PEX14: variants seen among roughly 807,000 people sequenced by gnomAD.
PEX14 encodes the protein peroxisomal biogenesis factor 14, also known as peroxisomal membrane protein PEX14.
Under a neutral mutation model 49.5 loss-of-function variants are expected in PEX14, and 15 were observed. The observed-to-expected ratio is 0.30, with a 90% CI of 0.20 to 0.47. The LOEUF (loss-of-function observed/expected upper bound fraction) is 0.47. PEX14 is among the 20% of genes least tolerant of loss of function. PEX14 has a pLI of 1.00. For missense variants in PEX14, 398 were observed against 494.8 expected (o/e 0.80, Z 1.86); for synonymous variants, 210 against 212.7 (o/e 0.99, Z 0.11).
intron 5 of PEX14, among the ~76,000 whole-genome samples, chr1:10,619,219 A>G (rs1016165214): frequency 3.3e-5 from 5 of 152,114 alleles, no homozygotes; most frequent in Non-Finnish European, 7.3e-5. Flanking sequence ...AGTCTAGAAA[A>G]TGCAGGCCAG....
Position 10,512,021 on chromosome 1 carries a change from A to G in PEX14, c.84+16700A>G, listed in dbSNP as rs181121550. On this transcript the variant is annotated intron_variant, in intron 2 of 8. Transcript: ENST00000356607. The surrounding 1 kb of genome is among the most constrained non-coding windows in gnomAD (Gnocchi z 4.6). ...GTCACCCAGGCTGGAGTGCAGTGGC[A>G]TAATCTTGGCTCACTGCACGCTCCG... is the stretch of plus-strand genomic sequence containing the variant. Among the ~76,000 whole-genome samples, 344 of 152,152 alleles carry G rather than the reference A, an allele frequency of 2.3e-3. No individual in the cohort carries two copies. Among genetic ancestry groups the G allele is most frequent in the African/African-American group, 7.9e-3 (327 of 41,490 alleles).
intron 4 of PEX14, among the ~76,000 whole-genome samples, chr1:10,602,941 G>C (rs1215764224): frequency 6.6e-6 from 1 of 152,216 alleles, no homozygotes; most frequent in East Asian, 1.9e-4. Flanking sequence ...CTGAGCCCAA[G>C]GCTAGAAAAT....
At position 10,623,280 on chromosome 1, in the gene PEX14, G is replaced by A. The variant is rs145291930; in HGVS notation, c.487+159G>A. On this transcript the variant is annotated intron_variant, in intron 6 of 8. Coordinates refer to ENST00000356607, the MANE Select transcript of PEX14 (RefSeq NM_004565.3). The surrounding 1 kb of genome is among the most constrained non-coding windows in gnomAD (Gnocchi z 4.4). ...TTGCAAATGAAGCCGCCGTCATTTC[G>A]GTTTAATTTGAAATTGCTTGTTTAC... 5 of 654,416 alleles carry A rather than the reference G, an allele frequency of 7.6e-6. No individual in the cohort carries two copies. The East Asian group carries it at 8.5e-5, about 11-fold the overall frequency. The allele number at this position is 654,416 out of a possible 1,614,324, so 40.5% of individuals were successfully genotyped here. A position where few individuals can be genotyped will look rare whatever the true frequency, so the allele number is the denominator to read the frequency against.
chr1:10,558,286 G>C (rs376994648), intron 3 of PEX14, among the ~76,000 whole-genome samples: 1 of 152,040 alleles, frequency 6.6e-6, no homozygotes, highest in East Asian at 1.9e-4. Context: ...GCGATTACAC[G>C]TGTGAGCCAC....
Position 10,536,331 on chromosome 1 carries a change from A to G in PEX14, c.169+34A>G, listed in dbSNP as rs2480779. Reference sequence around the variant, plus strand: ...TCCACAGGGCTGTGCAGCACGGCCTACAGGGGGACTGGGGCTGGGGCAGAT... The same window carrying G: ...TCCACAGGGCTGTGCAGCACGGCCTGCAGGGGGACTGGGGCTGGGGCAGAT... On this transcript the variant is annotated intron_variant, in intron 3 of 8. Coordinates refer to ENST00000356607, the MANE Select transcript of PEX14 (RefSeq NM_004565.3). The G allele has an allele frequency of 0.99, 1,289,416 of 1,300,980 alleles. 639,583 individuals are homozygous for G. The highest frequency in any genetic ancestry group is 1 in the East Asian group (43,530 of 43,530). The allele number at this position is 1,300,980 out of a possible 1,614,324, so 80.6% of individuals were successfully genotyped here. A position where few individuals can be genotyped will look rare whatever the true frequency, so the allele number is the denominator to read the frequency against.
intron 3 of PEX14, 37 bp downstream of exon 3, chr1:10,536,334 G>C (rs780491874): frequency 8.2e-7 from 1 of 1,217,990 alleles, no homozygotes; most frequent in Non-Finnish European, 1.2e-6. Context: ...ACGGCCTACA[G>C]GGGGACTGGG....
chr1:10,520,628 T>A (rs994397169), intron 2 of PEX14, among the ~76,000 whole-genome samples: 36 of 152,182 alleles, frequency 2.4e-4, no homozygotes, highest in African/African-American at 8.4e-4. Context: ...AAAACCACTC[T>A]AAGTTCATGT....
chr1:10,626,517 C>T (rs971149144), intron 7 of PEX14, among the ~76,000 whole-genome samples: 1 of 152,256 alleles, frequency 6.6e-6, no homozygotes, highest in Admixed American at 6.5e-5. Context: ...GCCCCCGACC[C>T]CACGTCAGAG....
At chr1:10,591,407 G>T in intron 3 of PEX14, among the ~76,000 whole-genome samples, 1 of 152,144 alleles carries the variant, frequency 6.6e-6, no homozygotes, top group Non-Finnish European at 1.5e-5. Flanking sequence ...AGAAAACGGG[G>T]TGAACCATTG....
chr1:10,565,221 A>G (rs1283690508), intron 3 of PEX14, among the ~76,000 whole-genome samples: 2 of 152,210 alleles, frequency 1.3e-5, no homozygotes, highest in Non-Finnish European at 1.5e-5. Flanking sequence ...ATATCTTAAA[A>G]TATTTTATTG....
chr1:10,600,240 T>C (rs1354636781), intron 4 of PEX14, among the ~76,000 whole-genome samples: 4 of 151,868 alleles, frequency 2.6e-5, no homozygotes, highest in Non-Finnish European at 4.4e-5. Context: ...GCCAACATGA[T>C]GAAACCCTGT....
chr1:10,554,747 A>G (rs67488812), intron 3 of PEX14, among the ~76,000 whole-genome samples: 37,685 of 151,062 alleles, frequency 0.25, 5,543 homozygotes, highest in Admixed American at 0.34. Flanking sequence ...AGAGCCTCAC[A>G]CTGTCACCCA....
chr1:10,618,611 GC>G (rs1451474683), intron 5 of PEX14, among the ~76,000 whole-genome samples, 194 bp downstream of exon 5: 1 of 152,224 alleles, frequency 6.6e-6, no homozygotes, highest in Non-Finnish European at 1.5e-5. Flanking sequence ...GGCTTGGCAG[GC>G]TCTGCCCACC....
At chr1:10,624,142 T>C (rs1332448224) in intron 6 of PEX14, among the ~76,000 whole-genome samples, 198 bp from the exon 7 acceptor site, 3 of 151,992 alleles carry the variant, frequency 2.0e-5, no homozygotes, top group African/African-American at 7.3e-5. Context: ...AAAGATAAAG[T>C]AGAAATACTA....
chr1:10,556,644 C>A (rs1359193423), intron 3 of PEX14, among the ~76,000 whole-genome samples: 1 of 152,116 alleles, frequency 6.6e-6, no homozygotes, highest in Non-Finnish European at 1.5e-5. Context: ...CGGGCTGTTT[C>A]TTCTACGGCT....
At chr1:10,521,764 T>A (rs1010041626) in intron 2 of PEX14, among the ~76,000 whole-genome samples, 1 of 152,196 alleles carries the variant, frequency 6.6e-6, no homozygotes, top group Non-Finnish European at 1.5e-5. Context: ...GTGAATACCA[T>A]CCCCTTGGCC....
chr1:10,509,148 C>T (rs1170949586), intron 2 of PEX14, among the ~76,000 whole-genome samples: 2 of 152,054 alleles, frequency 1.3e-5, no homozygotes, highest in Non-Finnish European at 2.9e-5. Flanking sequence ...TGGGGTTTCA[C>T]CATGTCAGCC....
chr1:10,489,745 C>CT (rs1398307968), intron 1 of PEX14, among the ~76,000 whole-genome samples: 2 of 152,214 alleles, frequency 1.3e-5, no homozygotes, highest in East Asian at 3.8e-4. Flanking sequence ...ACTCTGATCT[C>CT]TGTCTCTTCA....
intron 3 of PEX14, among the ~76,000 whole-genome samples, chr1:10,566,659 T>G (rs1326353379): frequency 3.9e-5 from 6 of 152,028 alleles, no homozygotes; most frequent in African/African-American, 1.2e-4. Flanking sequence ...TGGCTAATTT[T>G]TTTGTTTGTT....
Sources: allele counts gnomAD v4.1 joint callset (sites outside exome capture counted in the v4.1 genomes callset), GRCh38; gene constraint gnomAD v4.1.1; non-coding constraint Gnocchi (gnomAD v3.1); transcripts MANE v1.5; gene names NCBI Gene and HGNC (gene_info 2026-07-23, HGNC 2026-07-21).